The following CNKSR2 variants were observed in gnomAD, a reference collection of about 807,000 sequenced individuals.
CNKSR2 encodes connector enhancer of kinase suppressor of Ras 2, also known as CNK homolog protein 2.
In CNKSR2, 14 loss-of-function variants were observed where a neutral mutation model predicts 84.4. That is an observed-to-expected ratio of 0.17 (90% CI 0.11 to 0.26). The LOEUF is 0.26. Ranked by LOEUF, CNKSR2 falls within the 10% of genes least tolerant of loss-of-function variation. The probability of loss-of-function intolerance (pLI) is 1.00; values close to 1 mark genes in which losing one functional copy is unlikely to be tolerated. For missense variants in CNKSR2, 485 were observed against 771.2 expected (o/e 0.63, Z 4.40); for synonymous variants, 275 against 277.9 (o/e 0.99, Z 0.10).
At chrX:21,415,831 TATACAC>T (rs1157695223) in intron 1 of CNKSR2, among the ~76,000 whole-genome samples, 79 of 52,395 alleles carry the variant, frequency 1.5e-3, no homozygotes, top group Admixed American at 6.4e-3. Flanking sequence ...TATATACATA[TATACAC>T]ACACACACAC....
intron 4 of CNKSR2, among the ~76,000 whole-genome samples, chrX:21,455,875 T>C (rs1245983921): frequency 1.8e-5 from 2 of 111,934 alleles, no homozygotes; most frequent in African/African-American, 3.2e-5. Flanking sequence ...TTAATCATGC[T>C]ATTCCCCTTG....
At chrX:21,569,636 G>C (rs1012372998) in intron 13 of CNKSR2, among the ~76,000 whole-genome samples, 8 of 112,259 alleles carry the variant, frequency 7.1e-5, no homozygotes, top group Admixed American at 3.8e-4. Flanking sequence ...ATCTAGAATA[G>C]TGAATTCTTT....
intron 1 of CNKSR2, among the ~76,000 whole-genome samples, chrX:21,382,356 A>G (rs2089910571): frequency 8.9e-6 from 1 of 111,955 alleles, no homozygotes. Context: ...GCCATATTAT[A>G]AATAGTATAA....
intron 19 of CNKSR2, 146 bp from the exon 20 acceptor site, chrX:21,608,925 A>T: frequency 1.2e-6 from 1 of 862,329 alleles, no homozygotes; most frequent in Non-Finnish European, 1.6e-6. Flanking sequence ...CCTAACTTTG[A>T]GATGTCTGCA....
At chrX:21,622,284 G>A (rs545331726) in intron 20 of CNKSR2, among the ~76,000 whole-genome samples, 5 of 110,568 alleles carry the variant, frequency 4.5e-5, no homozygotes, top group African/African-American at 1.3e-4. Flanking sequence ...CCTTTGTGGA[G>A]CTCTTCTTAC....
chrX:21,560,866 A>G (rs2092181794), intron 11 of CNKSR2, among the ~76,000 whole-genome samples: 1 of 111,539 alleles, frequency 9.0e-6, no homozygotes, highest in African/African-American at 3.2e-5. Context: ...TTGGATCTCT[A>G]TACTGGACAG....
chrX:21,422,779 A>G (rs1050268798), intron 1 of CNKSR2, among the ~76,000 whole-genome samples: 3 of 111,358 alleles, frequency 2.7e-5, no homozygotes, highest in African/African-American at 9.8e-5. Context: ...GGATATTCCA[A>G]TTACCCTGTT....
intron 4 of CNKSR2, among the ~76,000 whole-genome samples, chrX:21,463,004 C>T (rs1462551780): frequency 1.8e-5 from 2 of 110,876 alleles, no homozygotes; most frequent in Non-Finnish European, 3.8e-5. Flanking sequence ...CCGAGTCCGG[C>T]TCTATACCCA....
At chrX:21,443,363 AG>A (rs1362985203) in intron 4 of CNKSR2, among the ~76,000 whole-genome samples, 1 of 111,600 alleles carries the variant, frequency 9.0e-6, no homozygotes, top group Non-Finnish European at 1.9e-5. Context: ...AATCTGAATT[AG>A]GTGCTGAGGG....
chrX:21,571,611 A>G (rs2092284470), intron 13 of CNKSR2, among the ~76,000 whole-genome samples: 1 of 112,006 alleles, frequency 8.9e-6, no homozygotes, highest in Non-Finnish European at 1.9e-5. Context: ...TTAAAGAGCT[A>G]GAAAATAGCA....
chrX:21,485,900 C>T (rs1206825053), intron 5 of CNKSR2, among the ~76,000 whole-genome samples: 4 of 111,637 alleles, frequency 3.6e-5, no homozygotes, highest in African/African-American at 9.8e-5. Context: ...TTTGGGAGGC[C>T]GAAGTAGGTG....
At chrX:21,407,184 T>C (rs2090275661) in intron 1 of CNKSR2, among the ~76,000 whole-genome samples, 1 of 111,989 alleles carries the variant, frequency 8.9e-6, no homozygotes, top group East Asian at 2.8e-4. Flanking sequence ...GAAGCAAATA[T>C]AAAACTGTAG....
intron 5 of CNKSR2, among the ~76,000 whole-genome samples, chrX:21,482,965 G>GA (rs1451219717): frequency 3.6e-5 from 4 of 111,824 alleles, no homozygotes; most frequent in Non-Finnish European, 7.5e-5. Flanking sequence ...CAAGCTATTT[G>GA]AAAATCTTAG....
At chrX:21,478,510 G>A (rs1438157593) in intron 5 of CNKSR2, among the ~76,000 whole-genome samples, 1 of 111,854 alleles carries the variant, frequency 8.9e-6, no homozygotes, top group African/African-American at 3.2e-5. Context: ...ATTTATATAG[G>A]TGTTTTTGCT....
chrX:21,487,726 G>A (rs1164988366), intron 5 of CNKSR2, among the ~76,000 whole-genome samples: 3 of 112,033 alleles, frequency 2.7e-5, no homozygotes, highest in Non-Finnish European at 3.8e-5. Context: ...AATTTGAACC[G>A]CAGCCAGTTT....
At chrX:21,632,139 ACC>A (rs1041374274) in intron 20 of CNKSR2, among the ~76,000 whole-genome samples, 6 of 111,641 alleles carry the variant, frequency 5.4e-5, no homozygotes, top group Non-Finnish European at 1.1e-4. Flanking sequence ...TCTGTAACCC[ACC>A]CTTCTTAGCA....
At chrX:21,459,154 C>T (rs2091030123) in intron 4 of CNKSR2, among the ~76,000 whole-genome samples, 1 of 108,743 alleles carries the variant, frequency 9.2e-6, no homozygotes, top group African/African-American at 3.4e-5. Flanking sequence ...TCCCAAGTAG[C>T]TGGGATTACA....
At chrX:21,388,393 T>G (rs181800246) in intron 1 of CNKSR2, among the ~76,000 whole-genome samples, 10 of 111,906 alleles carry the variant, frequency 8.9e-5, no homozygotes, top group Non-Finnish European at 1.5e-4. Flanking sequence ...TATTGAACAT[T>G]TGAAAGTCAT....
chrX:21,546,655 A>G (rs546107551), intron 11 of CNKSR2, among the ~76,000 whole-genome samples: 1 of 111,570 alleles, frequency 9.0e-6, no homozygotes, highest in Admixed American at 9.5e-5. Context: ...AATGAAGGAA[A>G]AAAAGGTTAA....
Sources: gnomAD v4.1 joint callset for allele counts (sites outside exome capture counted in the v4.1 genomes callset) on GRCh38, gnomAD v4.1.1 for gene constraint, MANE v1.5 for transcripts, NCBI Gene and HGNC (gene_info 2026-07-23, HGNC 2026-07-21) for gene names.